Variants in IMMP2L observed in about 807,000 individuals in gnomAD.
IMMP2L encodes the protein mitochondrial inner membrane protease subunit 2.
Under a neutral mutation model 19.3 loss-of-function variants are expected in IMMP2L, and 18 were observed. The observed-to-expected ratio is 0.93, with a 90% CI of 0.64 to 1.38. The LOEUF (loss-of-function observed/expected upper bound fraction) is 1.38, where lower values mean the gene tolerates loss of function less well. Ranked by LOEUF, IMMP2L falls within the 40% of genes most tolerant of loss-of-function variation. IMMP2L has a pLI of 0.00. For synonymous variants in IMMP2L, 76 were observed against 73.0 expected (o/e 1.04, Z -0.21); for missense variants, 233 against 218.2 (o/e 1.07, Z -0.43).
intron 3 of IMMP2L, among the ~76,000 whole-genome samples, chr7:111,051,342 C>T (rs1173089001): frequency 6.6e-6 from 1 of 152,082 alleles, no homozygotes; most frequent in Admixed American, 6.5e-5. Flanking sequence ...CCCTGGGGAG[C>T]ATAGGAAAGT....
chr7:110,958,166 A>G (rs1818558340), intron 4 of IMMP2L, among the ~76,000 whole-genome samples: 1 of 152,046 alleles, frequency 6.6e-6, no homozygotes. Context: ...TTGCACATGA[A>G]CTTTAAATCA....
At chr7:110,966,570 T>C (rs2129555972) in intron 3 of IMMP2L, among the ~76,000 whole-genome samples, 1 of 152,172 alleles carries the variant, frequency 6.6e-6, no homozygotes, top group African/African-American at 2.4e-5. Context: ...ATAATCTATA[T>C]TTTAAGATCC....
chr7:110,770,552 C>T (rs1229379340), intron 5 of IMMP2L, among the ~76,000 whole-genome samples: 1 of 152,154 alleles, frequency 6.6e-6, no homozygotes, highest in East Asian at 1.9e-4. Context: ...TGTCTTGTCC[C>T]TGTCAAAATC....
intron 3 of IMMP2L, among the ~76,000 whole-genome samples, chr7:111,117,980 C>T (rs539497942): frequency 5.3e-5 from 8 of 152,052 alleles, no homozygotes; most frequent in Non-Finnish European, 7.4e-5. Context: ...GATTTTAAAT[C>T]TTCTTACTCA....
intron 5 of IMMP2L, among the ~76,000 whole-genome samples, chr7:110,751,815 T>TA (rs1204425681): frequency 6.6e-6 from 1 of 151,996 alleles, no homozygotes; most frequent in Non-Finnish European, 1.5e-5. Flanking sequence ...TCATAAGATT[T>TA]AAAAAAACCT....
chr7:111,451,444 C>G (rs1410480481), intron 3 of IMMP2L, among the ~76,000 whole-genome samples: 2 of 149,216 alleles, frequency 1.3e-5, no homozygotes, highest in Non-Finnish European at 3.0e-5. Context: ...CCATCATTCT[C>G]AGTAAACTAT....
chr7:111,514,169 G>A (rs1392630568), intron 2 of IMMP2L, among the ~76,000 whole-genome samples: 3 of 152,060 alleles, frequency 2.0e-5, no homozygotes, highest in Non-Finnish European at 4.4e-5. Context: ...TTTACTAAGA[G>A]AGTAGATCTT....
intron 5 of IMMP2L, among the ~76,000 whole-genome samples, chr7:110,732,239 C>T (rs1204091481): frequency 6.6e-6 from 1 of 152,162 alleles, no homozygotes; most frequent in Non-Finnish European, 1.5e-5. Flanking sequence ...GCTAATACTC[C>T]TCAGGTAATA....
chr7:110,949,688 ACTGT>A (rs1817598906), intron 4 of IMMP2L, among the ~76,000 whole-genome samples: 2 of 152,298 alleles, frequency 1.3e-5, no homozygotes, highest in Admixed American at 6.5e-5. Flanking sequence ...AAGCCTATAT[ACTGT>A]CTGTCTTTTT....
At position 111,123,738 on chromosome 7, in the gene IMMP2L, G is replaced by A; in HGVS notation, c.240-160173C>T. ...TAGAAGCTACTAACAACCCTAGATT[G>A]TCTTACATTCACCCCAATGCATTTT... On this transcript the variant is annotated intron_variant, in intron 3 of 5. Coordinates refer to ENST00000405709, the MANE Select transcript of IMMP2L (RefSeq NM_032549.4). This position sits in a 1 kb window ranked among gnomAD's most constrained non-coding sequence, Gnocchi z 6.4. The A allele has an allele frequency of 6.2e-7, 1 of 1,613,916 alleles. No homozygotes were observed. The highest frequency in any genetic ancestry group is 1.1e-5 in the South Asian group (1 of 91,072).
intron 3 of IMMP2L, among the ~76,000 whole-genome samples, chr7:111,075,090 T>A (rs2129575750): frequency 6.6e-6 from 1 of 151,678 alleles, no homozygotes; most frequent in Non-Finnish European, 1.5e-5. Context: ...ATTTGGCTGT[T>A]ATATTTTAAA....
chr7:111,392,404 C>T (rs979363609), intron 3 of IMMP2L, among the ~76,000 whole-genome samples: 4 of 152,044 alleles, frequency 2.6e-5, no homozygotes, highest in African/African-American at 9.7e-5. Flanking sequence ...ATTTTATTGC[C>T]TTAACTTCCT....
intron 5 of IMMP2L, among the ~76,000 whole-genome samples, chr7:110,666,777 T>G (rs1358841454): frequency 2.6e-5 from 4 of 152,218 alleles, no homozygotes; most frequent in African/African-American, 9.7e-5. Flanking sequence ...ATTTATACTT[T>G]CCTAAAATAT....
intron 3 of IMMP2L, among the ~76,000 whole-genome samples, chr7:111,080,764 T>C (rs992097759): frequency 6.6e-6 from 1 of 152,178 alleles, no homozygotes; most frequent in Non-Finnish European, 1.5e-5. Flanking sequence ...ATGCTTACTA[T>C]ACGCTAGGCA....
intron 3 of IMMP2L, among the ~76,000 whole-genome samples, chr7:111,001,615 G>T (rs953868707): frequency 1.3e-5 from 2 of 152,066 alleles, no homozygotes; most frequent in African/African-American, 4.8e-5. Flanking sequence ...ATCAATTAAA[G>T]CAATATTTAC....
intron 3 of IMMP2L, among the ~76,000 whole-genome samples, chr7:111,170,773 T>C (rs1806346562): frequency 6.6e-6 from 1 of 151,748 alleles, no homozygotes; most frequent in South Asian, 2.1e-4. Context: ...TTTTATAGAT[T>C]TAGGAGGATC....
intron 1 of IMMP2L, among the ~76,000 whole-genome samples, chr7:111,551,998 G>C (rs1166002389): frequency 2.0e-5 from 3 of 152,058 alleles, no homozygotes; most frequent in Non-Finnish European, 4.4e-5. Flanking sequence ...TGAAACCTGA[G>C]GCTATTACTC....
At position 111,123,657 on chromosome 7, in the gene IMMP2L, T is replaced by C; in HGVS notation, c.240-160092A>G. On this transcript the variant is annotated intron_variant, in intron 3 of 5. Transcript: ENST00000405709. This position sits in a 1 kb window ranked among gnomAD's most constrained non-coding sequence, Gnocchi z 6.4. ...AAGAGTTGGGGATAAATAATATGCC[T>C]GAGCTGATTTCCATCGATAGTCTTG... 6.2e-7 allele frequency: 1 copy of C among 1,613,984 alleles called. No homozygotes were observed. The highest frequency in any genetic ancestry group is 1.1e-5 in the South Asian group (1 of 91,082).
intron 4 of IMMP2L, among the ~76,000 whole-genome samples, chr7:110,959,534 A>T (rs1818717731): frequency 6.6e-6 from 1 of 151,968 alleles, no homozygotes; most frequent in Admixed American, 6.6e-5. Context: ...TCAATTATTA[A>T]TATAAAATCC....
Sources: allele counts gnomAD v4.1 joint callset (sites outside exome capture counted in the v4.1 genomes callset), GRCh38; gene constraint gnomAD v4.1.1; non-coding constraint Gnocchi (gnomAD v3.1); transcripts MANE v1.5; gene names NCBI Gene and HGNC (gene_info 2026-07-23, HGNC 2026-07-21).